Variants in RNGTT observed in about 807,000 individuals in gnomAD.
The protein encoded by RNGTT is RNA guanylyltransferase and 5'-phosphatase.
RNGTT carries 33 observed loss-of-function variants against 79.3 expected under a neutral mutation model. That is an observed-to-expected ratio of 0.42 (90% CI 0.32 to 0.56). The LOEUF is 0.56. Among genes scored for constraint, RNGTT ranks in the 20% least tolerant of loss-of-function variants. The pLI, the probability that RNGTT is intolerant of heterozygous loss-of-function variation, is 0.17. For missense variants in RNGTT, 497 were observed against 739.1 expected, an observed-to-expected ratio of 0.67 and a Z score of 3.80; for synonymous variants, 222 against 235.9, an observed-to-expected ratio of 0.94 and a Z score of 0.54.
intron 1 of RNGTT, among the ~76,000 whole-genome samples, chr6:88,957,016 G>C (rs1361019795): frequency 6.6e-6 from 1 of 152,142 alleles, no homozygotes; most frequent in African/African-American, 2.4e-5. Context: ...CTGGGTGACA[G>C]AGCAAGACTC....
At chr6:88,855,308 C>A (rs1367443701) in intron 8 of RNGTT, among the ~76,000 whole-genome samples, 1 of 152,046 alleles carries the variant, frequency 6.6e-6, no homozygotes, top group Non-Finnish European at 1.5e-5. Context: ...ACTGGCTAAC[C>A]ACAAACCAAT....
chr6:88,796,999 A>C (rs78042603), intron 12 of RNGTT, among the ~76,000 whole-genome samples: 1 of 152,192 alleles, frequency 6.6e-6, no homozygotes, highest in Admixed American at 6.5e-5. Flanking sequence ...AGTATATATA[A>C]GAAGATGATT....
At chr6:88,802,135 T>C (rs1582477799) in intron 11 of RNGTT, among the ~76,000 whole-genome samples, 1 of 152,196 alleles carries the variant, frequency 6.6e-6, no homozygotes, top group Non-Finnish European at 1.5e-5. Flanking sequence ...ATGAAGATTA[T>C]AGTCCAAAGC....
intron 14 of RNGTT, among the ~76,000 whole-genome samples, chr6:88,624,001 C>A (rs1772535301): frequency 6.6e-6 from 1 of 151,824 alleles, no homozygotes; most frequent in African/African-American, 2.4e-5. Flanking sequence ...AGTAACACAA[C>A]TAAAAAACAT....
chr6:88,778,038 T>C (rs1244705500), intron 12 of RNGTT, among the ~76,000 whole-genome samples: 4 of 152,176 alleles, frequency 2.6e-5, no homozygotes, highest in Non-Finnish European at 5.9e-5. Context: ...TATGAATCTG[T>C]GGAGATGATC....
At chr6:88,850,094 T>C (rs577694955) in intron 9 of RNGTT, among the ~76,000 whole-genome samples, 4 of 152,130 alleles carry the variant, frequency 2.6e-5, no homozygotes, top group Non-Finnish European at 5.9e-5. Flanking sequence ...CATTTTGCTT[T>C]ATGCTTGAAT....
Position 88,878,980 on chromosome 6 carries a change from C to T in RNGTT, c.896+11515G>A, listed in dbSNP as rs73498468. Among the ~76,000 whole-genome samples the T allele has an allele frequency of 2.3e-3, 343 of 152,270 alleles. 1 individual carries two copies. Among genetic ancestry groups the T allele is most frequent in the African/African-American group, 8.0e-3 (332 of 41,550 alleles). ...TCTCATTACCTTATCCACACTATAC[C>T]TGTCTGAACATTCGGCTCCAGTCAT... On this transcript the variant is annotated intron_variant, in intron 8 of 15. Transcript: ENST00000369485.
At chr6:88,719,096 C>T (rs1342764180) in intron 13 of RNGTT, among the ~76,000 whole-genome samples, 1 of 152,078 alleles carries the variant, frequency 6.6e-6, no homozygotes, top group East Asian at 1.9e-4. Context: ...GATTTAGGTT[C>T]ACTAGGACCA....
intron 11 of RNGTT, among the ~76,000 whole-genome samples, chr6:88,824,453 T>G (rs1780590577): frequency 1.3e-5 from 2 of 152,214 alleles, no homozygotes; most frequent in South Asian, 4.1e-4. Flanking sequence ...ACCAAAACAC[T>G]GTTAAGTGGC....
chr6:88,713,666 T>G (rs1236780872), intron 13 of RNGTT, among the ~76,000 whole-genome samples: 2 of 152,210 alleles, frequency 1.3e-5, no homozygotes, highest in Non-Finnish European at 2.9e-5. Flanking sequence ...CACATTTTTC[T>G]TTACATTGTA....
intron 10 of RNGTT, among the ~76,000 whole-genome samples, chr6:88,847,293 T>C (rs2127903016): frequency 6.6e-6 from 1 of 152,278 alleles, no homozygotes; most frequent in South Asian, 2.1e-4. Flanking sequence ...GTCTCATTCA[T>C]CTTTGTATAC....
intron 6 of RNGTT, among the ~76,000 whole-genome samples, chr6:88,903,834 A>G (rs1036541445): frequency 6.6e-6 from 1 of 152,170 alleles, no homozygotes; most frequent in Non-Finnish European, 1.5e-5. Context: ...CCTTTGGCCT[A>G]TATCATATAC....
intron 13 of RNGTT, among the ~76,000 whole-genome samples, chr6:88,724,994 C>A (rs1055305586): frequency 6.6e-6 from 1 of 152,208 alleles, no homozygotes; most frequent in African/African-American, 2.4e-5. Context: ...CCCAAGTGTG[C>A]GCTCACCATT....
At chr6:88,698,699 G>C (rs977744600) in intron 13 of RNGTT, among the ~76,000 whole-genome samples, 4 of 151,838 alleles carry the variant, frequency 2.6e-5, no homozygotes, top group Non-Finnish European at 5.9e-5. Context: ...CGATTAACTA[G>C]AAGGCTATAT....
At position 88,610,237 on chromosome 6, in the gene RNGTT, G is replaced by C. The variant is rs1241895831; in HGVS notation, c.*2482C>G. 1 of 152,578 alleles carries C rather than the reference G, an allele frequency of 6.6e-6. No homozygotes were observed. The highest frequency in any genetic ancestry group is 1.5e-5 in the Non-Finnish European group (1 of 68,030). The allele number at this position is 152,578 out of a possible 1,614,324, so 9.5% of individuals were successfully genotyped here. On this transcript the variant is annotated 3_prime_UTR_variant, in exon 16 of 16. Transcript: ENST00000369485. ...TGCCAGCAATAGAAGGGACACAAGA[G>C]TATCACCAGTAAAACAAAGTAGATA...
At chr6:88,788,060 A>C (rs770706174) in intron 12 of RNGTT, among the ~76,000 whole-genome samples, 8 of 152,238 alleles carry the variant, frequency 5.3e-5, no homozygotes, top group Non-Finnish European at 8.8e-5. Context: ...AAAAATCATA[A>C]GTCAAACCAT....
intron 10 of RNGTT, among the ~76,000 whole-genome samples, chr6:88,847,211 A>T (rs900064036): frequency 1.3e-5 from 2 of 152,198 alleles, no homozygotes; most frequent in Non-Finnish European, 2.9e-5. Flanking sequence ...AATTCCAATG[A>T]AACGCTGTGC....
chr6:88,839,857 G>C (rs1199004269), intron 11 of RNGTT, among the ~76,000 whole-genome samples: 1 of 152,086 alleles, frequency 6.6e-6, no homozygotes, highest in South Asian at 2.1e-4. Context: ...TACTATTTTG[G>C]ATGTTGTATT....
At chr6:88,908,359 C>T (rs540304311) in intron 4 of RNGTT, among the ~76,000 whole-genome samples, 1 of 152,242 alleles carries the variant, frequency 6.6e-6, no homozygotes, top group East Asian at 1.9e-4. Context: ...ACGCCTCTTC[C>T]ATGAAAAGGA....
Sources: allele counts gnomAD v4.1 joint callset (sites outside exome capture counted in the v4.1 genomes callset), GRCh38; gene constraint gnomAD v4.1.1; transcripts MANE v1.5; gene names NCBI Gene and HGNC (gene_info 2026-07-23, HGNC 2026-07-21).